The following ADGRL3 variants were observed in gnomAD, a reference collection of about 807,000 sequenced individuals.
The protein encoded by ADGRL3 is calcium-independent alpha-latrotoxin receptor 3.
Under a neutral mutation model 153.5 loss-of-function variants are expected in ADGRL3, and 62 were observed. The ratio of observed to expected loss-of-function variants is 0.40; its 90% CI spans 0.33 to 0.50. The LOEUF (loss-of-function observed/expected upper bound fraction) is 0.50. Among genes scored for constraint, ADGRL3 ranks in the 20% least tolerant of loss-of-function variants. The pLI, the probability that ADGRL3 is intolerant of heterozygous loss-of-function variation, is 0.47. For synonymous variants in ADGRL3, 710 were observed against 672.5 expected (o/e 1.06, Z -0.86); for missense variants, 1,641 against 1,859.4 (o/e 0.88, Z 2.16).
At chr4:62,031,956 TAC>T (rs146856591) in intron 23 of ADGRL3, among the ~76,000 whole-genome samples, 5,511 of 137,780 alleles carry the variant, frequency 0.04, 356 homozygotes, top group East Asian at 0.33. Context: ...GCATGAGTTA[TAC>T]ACACACACAC....
At chr4:61,387,046 C>T (rs935104363) in intron 2 of ADGRL3, among the ~76,000 whole-genome samples, 3 of 152,090 alleles carry the variant, frequency 2.0e-5, no homozygotes, top group South Asian at 2.1e-4. Flanking sequence ...TTTTCCTAAG[C>T]GTTGGCCGCC....
chr4:61,853,351 T>C (rs2098229596), intron 9 of ADGRL3, among the ~76,000 whole-genome samples: 1 of 152,212 alleles, frequency 6.6e-6, no homozygotes, highest in Non-Finnish European at 1.5e-5. Context: ...AGAACAAATA[T>C]GTTTTTTAGT....
intron 3 of ADGRL3, among the ~76,000 whole-genome samples, chr4:61,508,432 A>G (rs1187044240): frequency 6.6e-6 from 1 of 152,178 alleles, no homozygotes; most frequent in Non-Finnish European, 1.5e-5. Context: ...CTTTTGTAAC[A>G]TAGTAGCTTA....
chr4:61,540,029 A>G (rs749382307), intron 4 of ADGRL3, among the ~76,000 whole-genome samples: 4 of 152,196 alleles, frequency 2.6e-5, no homozygotes, highest in Non-Finnish European at 5.9e-5. Context: ...CTAGTCAGCC[A>G]TCTTGAGAAA....
intron 1 of ADGRL3, among the ~76,000 whole-genome samples, chr4:61,267,009 A>G (rs1237452041): frequency 6.6e-6 from 1 of 151,778 alleles, no homozygotes; most frequent in Non-Finnish European, 1.5e-5. Flanking sequence ...GACTTTGTCA[A>G]AGTATTATAA....
chr4:61,367,371 A>G (rs553147662), intron 1 of ADGRL3, among the ~76,000 whole-genome samples: 10 of 151,990 alleles, frequency 6.6e-5, no homozygotes, highest in African/African-American at 1.7e-4. Context: ...ATATCTCCCA[A>G]TGCTATCCCT....
At chr4:61,765,022 T>TG (rs1221893980) in intron 8 of ADGRL3, among the ~76,000 whole-genome samples, 1 of 152,078 alleles carries the variant, frequency 6.6e-6, no homozygotes, top group African/African-American at 2.4e-5. Flanking sequence ...GTCTAAGAAT[T>TG]GGGACGACTC....
intron 18 of ADGRL3, among the ~76,000 whole-genome samples, chr4:61,980,153 C>T (rs542495369): frequency 1.3e-5 from 2 of 152,132 alleles, no homozygotes; most frequent in South Asian, 4.2e-4. Flanking sequence ...TGCATCAACA[C>T]ATCATTATCA....
Position 61,432,570 on chromosome 4 carries a change from CTTCCTT to C in ADGRL3, c.-174+49383_-174+49388del, listed in dbSNP as rs1227917032. Among the ~76,000 whole-genome samples the C allele has an allele frequency of 1.6e-3, 114 of 71,534 alleles. 37 individuals carry two copies. Among genetic ancestry groups the C allele is most frequent in the East Asian group, 4.5e-3 (15 of 3,346 alleles). The allele number at this position is 71,534 out of a possible 152,430, so 46.9% of individuals were successfully genotyped here. On this transcript the variant is annotated intron_variant, in intron 2 of 26. Transcript: ENST00000683033. ...GCCTTTATAGATTTCTTTTCTTTCTCTTCCTTTCTTTCTTTCTTTCTTTCTTTCTTT... is the reference window on the plus strand; with the variant it reads ...GCCTTTATAGATTTCTTTTCTTTCTCTCTTTCTTTCTTTCTTTCTTTCTTT...
At chr4:61,505,338 G>T (rs746020595) in intron 3 of ADGRL3, among the ~76,000 whole-genome samples, 2 of 151,984 alleles carry the variant, frequency 1.3e-5, no homozygotes, top group African/African-American at 4.8e-5. Context: ...TCAGATGATA[G>T]TTTGCAAATA....
chr4:62,070,447 G>C lies in ADGRL3; in HGVS notation c.4171G>C (p.Gly1391Arg). ...CTCGTTTAACCACGAGGAGAGTTTG[G>C]GCCTGGAACTCATTCATGAGGAATC... ...ATSFNHEESL[G>R]LELIHEESDA... Residue 1391 changes from glycine to arginine, a missense_variant, in exon 27 of 27, where the codon GGC (glycine) becomes CGC (arginine). By Grantham distance (125) the Gly-to-Arg change is moderately radical. Around this residue, in one of 5 missense-constraint regions of ADGRL3, gnomAD observed 517 missense variants for 555.0 expected, o/e 0.93. Coordinates refer to ENST00000683033, the MANE Select transcript of ADGRL3 (RefSeq NM_001387552.1). The C allele has an allele frequency of 6.4e-7, 1 of 1,551,356 alleles. No individual in the cohort carries two copies. Among genetic ancestry groups the C allele is most frequent in the Non-Finnish European group, 8.7e-7 (1 of 1,146,940 alleles).
chr4:61,917,538 G>A (rs2149923345), intron 13 of ADGRL3, among the ~76,000 whole-genome samples: 1 of 152,296 alleles, frequency 6.6e-6, no homozygotes, highest in East Asian at 1.9e-4. Flanking sequence ...GGAACTGTCT[G>A]TTTTCCAGAG....
chr4:61,744,432 G>A (rs2096625980), intron 8 of ADGRL3, among the ~76,000 whole-genome samples: 1 of 152,094 alleles, frequency 6.6e-6, no homozygotes, highest in South Asian at 2.1e-4. Flanking sequence ...CCTGACCCCT[G>A]ACCCCCGAGC....
At chr4:61,310,363 G>A (rs1483365609) in intron 1 of ADGRL3, among the ~76,000 whole-genome samples, 1 of 151,980 alleles carries the variant, frequency 6.6e-6, no homozygotes, top group African/African-American at 2.4e-5. Flanking sequence ...ATTTCTGACA[G>A]ATGCACTGAT....
At chr4:61,675,564 AT>A (rs2095158911) in intron 5 of ADGRL3, among the ~76,000 whole-genome samples, 1 of 150,578 alleles carries the variant, frequency 6.6e-6, no homozygotes, top group Non-Finnish European at 1.5e-5. Flanking sequence ...GAATTAATCA[AT>A]TCAGATTTGT....
chr4:61,517,447 G>A lies in ADGRL3; in HGVS notation c.188G>A (p.Gly63Glu), dbSNP rs1320288381. 1.2e-6 allele frequency: 1 copy of A among 802,484 alleles called. No individual in the cohort carries two copies. Among genetic ancestry groups the A allele is most frequent in the Non-Finnish European group, 2.1e-6 (1 of 475,934 alleles). 49.7% of individuals were successfully genotyped at this position (802,484 alleles called of 1,614,324 possible). Reference protein sequence around the residue: ...PAAERTAAHRGQGPRGATRGV... With the variant: ...PAAERTAAHREQGPRGATRGV... ...GCAGAGCGCACCGCTGCTCATCGTG[G>A]ACAAGGGCCCCGTGGAGCTACCAGA... The change falls in exon 4 of 27, where the codon GGA becomes GAA. Residue 63 changes from glycine (G) to glutamate (E), a missense_variant. Transcript: ENST00000683033.
At chr4:61,634,417 G>T (rs1374252041) in intron 5 of ADGRL3, among the ~76,000 whole-genome samples, 2 of 152,096 alleles carry the variant, frequency 1.3e-5, no homozygotes, top group African/African-American at 2.4e-5. Context: ...TTTCTTACAT[G>T]CAAAGAGGCC....
Position 61,676,948 on chromosome 4 carries a change from C to T in ADGRL3, c.583+13C>T. The T allele has an allele frequency of 6.6e-7, 1 of 1,505,400 alleles. No homozygotes were observed. Among genetic ancestry groups the T allele is most frequent in the Non-Finnish European group, 9.2e-7 (1 of 1,084,018 alleles). The allele number at this position is 1,505,400 out of a possible 1,614,324, so 93.3% of individuals were successfully genotyped here. Reference sequence around the variant, plus strand: ...TGTGTCCCTTACAGTATGTATATTCCTATACTTTTCTTGGCAAGAGAAAAG... The same window carrying T: ...TGTGTCCCTTACAGTATGTATATTCTTATACTTTTCTTGGCAAGAGAAAAG... On this transcript the variant is annotated intron_variant, in intron 6 of 26. Coordinates refer to ENST00000683033, the MANE Select transcript of ADGRL3 (RefSeq NM_001387552.1).
At chr4:62,049,591 C>T (rs1036047476) in intron 25 of ADGRL3, among the ~76,000 whole-genome samples, 16 of 152,038 alleles carry the variant, frequency 1.1e-4, no homozygotes, top group African/African-American at 3.6e-4. Flanking sequence ...ATTGCGATTT[C>T]CTATGACAAT....
Sources: allele counts gnomAD v4.1 joint callset (sites outside exome capture counted in the v4.1 genomes callset), GRCh38; gene constraint gnomAD v4.1.1; regional missense constraint gnomAD v4.1.1; transcripts MANE v1.5; gene names NCBI Gene and HGNC (gene_info 2026-07-23, HGNC 2026-07-21).